The following PHKA1 variants were observed in gnomAD, a reference collection of about 807,000 sequenced individuals.
PHKA1 encodes phosphorylase b kinase regulatory subunit alpha, skeletal muscle isoform.
PHKA1 carries 60 observed loss-of-function variants against 110.2 expected under a neutral mutation model. That is an observed-to-expected ratio of 0.54 (90% CI 0.44 to 0.68). The LOEUF is 0.68. PHKA1 is among the 30% of genes least tolerant of loss of function. The probability of loss-of-function intolerance (pLI) is 0.00; values close to 1 mark genes in which losing one functional copy is unlikely to be tolerated. For missense variants in PHKA1, 801 were observed against 942.5 expected, an observed-to-expected ratio of 0.85 and a Z score of 1.97; for synonymous variants, 316 against 333.6, an observed-to-expected ratio of 0.95 and a Z score of 0.58.
In PHKA1 at chrX:72,593,488, C is replaced by T. The variant is rs782094187; in HGVS notation, c.3073-214G>A. On this transcript the variant is annotated intron_variant, in intron 28 of 31. Coordinates refer to ENST00000373542, the MANE Select transcript of PHKA1 (RefSeq NM_002637.4). ...TCCCGAGTAGCTAGGACTACAGGCG[C>T]CTGCCACCATGCTCGGCTAACTTTT... 6.9e-5 allele frequency: 25 copies of T among 361,738 alleles called. No homozygotes were observed. In the South Asian group the frequency reaches 7.4e-4, roughly 11 times the overall value. 29.8% of individuals were successfully genotyped at this position (361,738 alleles called of 1,213,427 possible). A position where few individuals can be genotyped will look rare whatever the true frequency, so the allele number is the denominator to read the frequency against.
intron 25 of PHKA1, among the ~76,000 whole-genome samples, 195 bp from the exon 26 acceptor site, chrX:72,603,415 C>T (rs1212187227): frequency 1.8e-5 from 2 of 112,016 alleles, no homozygotes; most frequent in African/African-American, 3.2e-5. Flanking sequence ...TAAGGACTGA[C>T]TATCCAGTTT....
intron 29 of PHKA1, among the ~76,000 whole-genome samples, chrX:72,585,539 G>A (rs2052413139): frequency 8.9e-6 from 1 of 111,907 alleles, no homozygotes; most frequent in South Asian, 3.7e-4. Context: ...ATTTCCAACT[G>A]AGGTACCTGG....
intron 11 of PHKA1, 118 bp downstream of exon 11, chrX:72,653,317 G>C (rs782175211): frequency 3.8e-6 from 2 of 532,301 alleles, no homozygotes; most frequent in Non-Finnish European, 6.6e-6. Flanking sequence ...TGTACCTAAA[G>C]ACAAGCTTTC....
rs782760024 is a variant in PHKA1, at chrX:72,666,147, A to G, written c.864+4T>C. 1.3e-5 allele frequency: 16 copies of G among 1,208,663 alleles called. No homozygotes were observed. In the South Asian group the frequency reaches 2.5e-4, roughly 19 times the overall value. ...AAAGAAAACAAAGGTACATAGGGAC[A>G]TACCTGAAGCTTGGTGATGATTTCC... On this transcript the variant is annotated splice_donor_region_variant and intron_variant, in intron 8 of 31. Coordinates refer to ENST00000373542, the MANE Select transcript of PHKA1 (RefSeq NM_002637.4).
intron 23 of PHKA1, among the ~76,000 whole-genome samples, chrX:72,606,967 A>G (rs1556252395): frequency 8.9e-6 from 1 of 111,998 alleles, no homozygotes; most frequent in Non-Finnish European, 1.9e-5. Context: ...CAGTGAGAAC[A>G]TGTGAACTTT....
intron 6 of PHKA1, among the ~76,000 whole-genome samples, chrX:72,674,806 C>T (rs1408529241): frequency 1.8e-5 from 2 of 111,685 alleles, no homozygotes; most frequent in African/African-American, 6.5e-5. Flanking sequence ...TTATTAAATA[C>T]TGTATAGCAG....
intron 1 of PHKA1, among the ~76,000 whole-genome samples, 163 bp downstream of exon 1, chrX:72,713,640 C>T (rs2054416302): frequency 9.3e-6 from 1 of 107,844 alleles, no homozygotes; most frequent in Non-Finnish European, 1.9e-5. Flanking sequence ...CACACACAAA[C>T]ACACACGCGG....
chrX:72,692,202 G>T (rs782416934), intron 4 of PHKA1, among the ~76,000 whole-genome samples: 11 of 111,714 alleles, frequency 9.8e-5, no homozygotes, highest in Non-Finnish European at 1.9e-4. Context: ...AATATATATG[G>T]TTTGGTCAAG....
intron 6 of PHKA1, among the ~76,000 whole-genome samples, 199 bp downstream of exon 6, chrX:72,675,871 C>A (rs782205880): frequency 2.7e-5 from 3 of 110,936 alleles, no homozygotes; most frequent in Non-Finnish European, 5.7e-5. Flanking sequence ...GCCACAAAAG[C>A]AGTTGGATAT....
intron 3 of PHKA1, among the ~76,000 whole-genome samples, chrX:72,697,528 A>G (rs1556327817): frequency 9.1e-6 from 1 of 109,424 alleles, no homozygotes; most frequent in East Asian, 2.9e-4. Context: ...GAGAAAAAAA[A>G]ACAAGGTCTC....
At chrX:72,674,726 T>C (rs1184511639) in intron 6 of PHKA1, among the ~76,000 whole-genome samples, 1 of 112,153 alleles carries the variant, frequency 8.9e-6, no homozygotes, top group African/African-American at 3.2e-5. Context: ...CCTGGATGTA[T>C]GTACAAGGAT....
intron 14 of PHKA1, 127 bp downstream of exon 14, chrX:72,644,235 G>C: frequency 1.3e-6 from 1 of 764,186 alleles, no homozygotes; most frequent in Non-Finnish European, 1.9e-6. Flanking sequence ...TTGGATTCTA[G>C]AGACTCTAAA....
At chrX:72,700,646 T>G (rs781832081) in intron 3 of PHKA1, among the ~76,000 whole-genome samples, 1 of 112,008 alleles carries the variant, frequency 8.9e-6, no homozygotes, top group East Asian at 2.8e-4. Flanking sequence ...GTCTTTTGAT[T>G]ATGGCTGCCT....
At position 72,579,763 on chromosome X, in the gene PHKA1, T is replaced by TAC. The variant is rs1268399492; in HGVS notation, c.*1237_*1238dup. On this transcript the variant is annotated 3_prime_UTR_variant, in exon 32 of 32. Coordinates refer to ENST00000373542, the MANE Select transcript of PHKA1 (RefSeq NM_002637.4). ...ACACACACACACACACACACACACATACACACACAAATATGTGTCTTTATA... is the reference window on the plus strand; with the variant it reads ...ACACACACACACACACACACACACATACACACACACAAATATGTGTCTTTATA... 1.9e-5 allele frequency: 2 copies of TAC among 106,950 alleles called. No individual in the cohort carries two copies. Among genetic ancestry groups the TAC allele is most frequent in the Non-Finnish European group, 3.8e-5 (2 of 52,593 alleles). The allele number at this position is 106,950 out of a possible 1,213,427, so 8.8% of individuals were successfully genotyped here. A position where few individuals can be genotyped will look rare whatever the true frequency, so the allele number is the denominator to read the frequency against.
Position 72,656,761 on chromosome X carries a change from T to G in PHKA1, c.919-519A>C, listed in dbSNP as rs782490446. On this transcript the variant is annotated intron_variant, in intron 9 of 31. Coordinates refer to ENST00000373542, the MANE Select transcript of PHKA1 (RefSeq NM_002637.4). Reference sequence around the variant, plus strand: ...GGGAAAATTAAAATAGGAAAAGAATTTCAAGAGAATTTAGGGCTAGGTAAA... The same window carrying G: ...GGGAAAATTAAAATAGGAAAAGAATGTCAAGAGAATTTAGGGCTAGGTAAA... 6.3e-5 allele frequency among the ~76,000 whole-genome samples: 7 copies of G among 111,135 alleles called. No individual in the cohort carries two copies. In the South Asian group the frequency reaches 2.7e-3, roughly 42 times the overall value.
intron 6 of PHKA1, among the ~76,000 whole-genome samples, chrX:72,669,354 TTTGTTG>T (rs1216126267): frequency 6.3e-5 from 7 of 111,270 alleles, no homozygotes; most frequent in African/African-American, 1.3e-4. Flanking sequence ...TTTCTTTTTT[TTTGTTG>T]TTGTTGTTGT....
In PHKA1 at chrX:72,635,150, C is replaced by A; in HGVS notation, c.1714+5G>T. The A allele has an allele frequency of 8.3e-7, 1 of 1,211,553 alleles. No individual in the cohort carries two copies. The highest frequency in any genetic ancestry group is 1.1e-6 in the Non-Finnish European group (1 of 895,372). On this transcript the variant is annotated splice_donor_5th_base_variant and intron_variant, in intron 16 of 31. Coordinates refer to ENST00000373542, the MANE Select transcript of PHKA1 (RefSeq NM_002637.4). The stretch of plus-strand genomic sequence containing the variant: ...CATTCGTTCCTTGCCTCATGCAGCC[C>A]TTACCAAGCATGCTGTGTGAGATGG...
intron 6 of PHKA1, among the ~76,000 whole-genome samples, chrX:72,669,354 T>TG (rs1474277805): frequency 1.1e-4 from 12 of 111,272 alleles, no homozygotes; most frequent in South Asian, 3.8e-4. Flanking sequence ...TTTCTTTTTT[T>TG]TTGTTGTTGT....
intron 19 of PHKA1, 39 bp downstream of exon 19, chrX:72,620,686 A>G: frequency 8.7e-7 from 1 of 1,148,169 alleles, no homozygotes; most frequent in Non-Finnish European, 1.2e-6. Flanking sequence ...GCTTCACGTC[A>G]TCCTGTGCCT....
Sources: gnomAD v4.1 joint callset for allele counts (sites outside exome capture counted in the v4.1 genomes callset) on GRCh38, gnomAD v4.1.1 for gene constraint, MANE v1.5 for transcripts, NCBI Gene and HGNC (gene_info 2026-07-23, HGNC 2026-07-21) for gene names.